The following MACROD2 variants were observed in gnomAD, a reference collection of about 807,000 sequenced individuals.
The protein encoded by MACROD2 is ADP-ribose glycohydrolase MACROD2.
In MACROD2, 36 loss-of-function variants were observed where a neutral mutation model predicts 70.4. That is an observed-to-expected ratio of 0.51 (90% CI 0.39 to 0.68). MACROD2 has a LOEUF of 0.68. MACROD2 is among the 30% of genes least tolerant of loss of function. The pLI is 0.00. For missense variants in MACROD2, 496 were observed against 538.4 expected (o/e 0.92, Z 0.78); for synonymous variants, 172 against 178.8 (o/e 0.96, Z 0.30).
intron 5 of MACROD2, among the ~76,000 whole-genome samples, chr20:15,123,547 T>C (rs1322112): frequency 0.48 from 72,444 of 151,976 alleles, 20,228 homozygotes; most frequent in East Asian, 0.86. Flanking sequence ...ATTGATTGCA[T>C]GTTTAAAGGT....
chr20:15,918,076 A>G (rs191816677), intron 10 of MACROD2, among the ~76,000 whole-genome samples: 4 of 152,332 alleles, frequency 2.6e-5, no homozygotes, highest in Admixed American at 2.0e-4. Flanking sequence ...TAAAGGGTCA[A>G]TGAATCAGGT....
chr20:15,510,908 T>G (rs56951313), intron 8 of MACROD2, among the ~76,000 whole-genome samples: 3,481 of 152,246 alleles, frequency 0.023, 124 homozygotes, highest in African/African-American at 0.079. Flanking sequence ...AACCTTTTAG[T>G]GAGGAGACTA....
intron 13 of MACROD2, among the ~76,000 whole-genome samples, chr20:15,980,450 TAC>T (rs2066381341): frequency 6.6e-6 from 1 of 152,252 alleles, no homozygotes; most frequent in Admixed American, 6.5e-5. Flanking sequence ...ATTCATATAG[TAC>T]ACTTGTGCTG....
intron 15 of MACROD2, among the ~76,000 whole-genome samples, chr20:16,039,636 G>A (rs1056895501): frequency 1.3e-5 from 2 of 151,914 alleles, no homozygotes; most frequent in East Asian, 3.9e-4. Flanking sequence ...CCTGCTCGCA[G>A]GCTTAGGGGA....
At chr20:15,576,987 G>T (rs1482462140) in intron 8 of MACROD2, among the ~76,000 whole-genome samples, 1 of 152,018 alleles carries the variant, frequency 6.6e-6, no homozygotes. Flanking sequence ...CCATCTGAAG[G>T]GAAACACTTC....
intron 5 of MACROD2, among the ~76,000 whole-genome samples, chr20:14,991,287 C>A (rs1044884482): frequency 1.3e-5 from 2 of 152,090 alleles, no homozygotes; most frequent in Non-Finnish European, 2.9e-5. Context: ...CATACCATAA[C>A]AACTTTGCAT....
chr20:14,779,051 T>C (rs1005637332), intron 5 of MACROD2, among the ~76,000 whole-genome samples: 18 of 152,122 alleles, frequency 1.2e-4, no homozygotes, highest in African/African-American at 9.7e-5. Flanking sequence ...ACAAACTTCA[T>C]TGTAGCATCA....
intron 4 of MACROD2, among the ~76,000 whole-genome samples, chr20:14,552,488 G>A (rs1043906449): frequency 6.6e-6 from 1 of 151,164 alleles, no homozygotes; most frequent in Non-Finnish European, 1.5e-5. Flanking sequence ...ACTTTGTTGG[G>A]CTTCAGCATC....
chr20:15,189,673 T>C (rs1227129265), intron 5 of MACROD2, among the ~76,000 whole-genome samples: 2 of 152,168 alleles, frequency 1.3e-5, no homozygotes, highest in Non-Finnish European at 2.9e-5. Context: ...AAGGAAAATA[T>C]ATAAAGAGAA....
intron 8 of MACROD2, among the ~76,000 whole-genome samples, chr20:15,821,658 G>A (rs1373013937): frequency 6.6e-6 from 1 of 152,140 alleles, no homozygotes; most frequent in Non-Finnish European, 1.5e-5. Context: ...TATTGACCAT[G>A]TACACGCATC....
chr20:14,773,642 C>T (rs952818646), intron 5 of MACROD2, among the ~76,000 whole-genome samples: 10 of 151,962 alleles, frequency 6.6e-5, no homozygotes, highest in Non-Finnish European at 1.0e-4. Flanking sequence ...GTCACATTTG[C>T]CTCTTTCATC....
At chr20:15,728,937 G>C (rs940372640) in intron 8 of MACROD2, among the ~76,000 whole-genome samples, 16 of 152,020 alleles carry the variant, frequency 1.1e-4, no homozygotes, top group African/African-American at 3.9e-4. Flanking sequence ...TTTGGAGTTT[G>C]TTTGTTCTTT....
chr20:15,657,433 A>G (rs1382868887), intron 8 of MACROD2, among the ~76,000 whole-genome samples: 2 of 152,204 alleles, frequency 1.3e-5, no homozygotes, highest in Non-Finnish European at 2.9e-5. Context: ...GCTGGTTTTC[A>G]TGAAAATGTA....
At chr20:15,627,243 A>C (rs1307687572) in intron 8 of MACROD2, among the ~76,000 whole-genome samples, 2 of 151,874 alleles carry the variant, frequency 1.3e-5, no homozygotes, top group African/African-American at 4.8e-5. Context: ...AAAAAAAAAA[A>C]AAAAACTGGG....
intron 6 of MACROD2, among the ~76,000 whole-genome samples, chr20:15,277,431 A>G (rs1177361821): frequency 6.6e-6 from 1 of 152,224 alleles, no homozygotes; most frequent in Non-Finnish European, 1.5e-5. Flanking sequence ...GGGATGGGTG[A>G]ACCAACAGAG....
At chr20:15,196,863 C>T (rs2076610201) in intron 5 of MACROD2, 2 of 985,138 alleles carry the variant, frequency 2.0e-6, no homozygotes, top group Admixed American at 6.2e-5. Flanking sequence ...ATGCCACTAT[C>T]GAGAAGCAGA....
intron 3 of MACROD2, among the ~76,000 whole-genome samples, chr20:14,106,596 G>A: frequency 6.6e-6 from 1 of 152,160 alleles, no homozygotes; most frequent in Non-Finnish European, 1.5e-5. Context: ...TGGTAGCCAG[G>A]TAGTGGTTAC....
At chr20:15,627,228 C>CAAAA (rs33936061) in intron 8 of MACROD2, among the ~76,000 whole-genome samples, 1 of 93,994 alleles carries the variant, frequency 1.1e-5, no homozygotes, top group Admixed American at 1.2e-4. Context: ...AAAAGATTAC[C>CAAAA]AAAAAAAAAA....
At chr20:15,997,725 T>C (rs1331575112) in intron 15 of MACROD2, among the ~76,000 whole-genome samples, 1 of 152,200 alleles carries the variant, frequency 6.6e-6, no homozygotes, top group Non-Finnish European at 1.5e-5. Context: ...TCTAGTTCTA[T>C]GTTGCATAGA....
Sources: allele counts gnomAD v4.1 joint callset (sites outside exome capture counted in the v4.1 genomes callset), GRCh38; gene constraint gnomAD v4.1.1; transcripts MANE v1.5; gene names NCBI Gene and HGNC (gene_info 2026-07-23, HGNC 2026-07-21).